Variants in DCC observed in about 807,000 individuals in gnomAD.
The protein encoded by DCC is DCC netrin 1 receptor, also known as netrin receptor DCC.
In DCC, 58 loss-of-function variants were observed where a neutral mutation model predicts 172.5. The observed-to-expected ratio is 0.34, with a 90% CI of 0.27 to 0.42. The LOEUF is 0.42. Ranked by LOEUF, DCC falls within the 10% of genes least tolerant of loss-of-function variation. DCC has a pLI of 1.00. For synonymous variants in DCC, 709 were observed against 644.5 expected (o/e 1.10, Z -1.52); for missense variants, 1,740 against 1,791.0 (o/e 0.97, Z 0.51).
chr18:53,303,393 A>C (rs552169457), intron 12 of DCC, among the ~76,000 whole-genome samples: 1 of 152,110 alleles, frequency 6.6e-6, no homozygotes, highest in Non-Finnish European at 1.5e-5. Context: ...TGTTTCCTTC[A>C]TGTGCTGTTA....
chr18:52,723,801 C>T (rs1015218457), intron 1 of DCC, among the ~76,000 whole-genome samples: 1 of 152,098 alleles, frequency 6.6e-6, no homozygotes, highest in African/African-American at 2.4e-5. Flanking sequence ...TGCTGAAAAC[C>T]CAAATTACAC....
intron 5 of DCC, among the ~76,000 whole-genome samples, chr18:53,001,659 T>C (rs140053516): frequency 0.023 from 3,475 of 152,224 alleles, 53 homozygotes; most frequent in Middle Eastern, 0.051. Context: ...TTGAAATAAA[T>C]CATACACGTG....
chr18:52,536,637 A>G (rs576513318), intron 1 of DCC, among the ~76,000 whole-genome samples: 135 of 152,212 alleles, frequency 8.9e-4, no homozygotes, highest in Non-Finnish European at 9.1e-4. Flanking sequence ...AAAAGTTGCT[A>G]TGTTTGATTT....
intron 2 of DCC, among the ~76,000 whole-genome samples, chr18:52,880,193 G>A (rs373486312): frequency 1.4e-4 from 22 of 151,884 alleles, no homozygotes; most frequent in Non-Finnish European, 2.6e-4. Context: ...GTGCAGTGGT[G>A]CATTTCAGCT....
rs189694787 is a variant in DCC at position 52,652,583 on chromosome 18, C to T, written c.92-99471C>T. Among the ~76,000 whole-genome samples, 60 of 152,204 alleles carry T rather than the reference C, an allele frequency of 3.9e-4. No homozygotes were observed. In the East Asian group the frequency reaches 4.1e-3, roughly 10 times the overall value. ...TCCGTGGCTCTGCCTGGATTTCACA[C>T]GGGCCCATTGGAATGTTCAGTCTCA... On this transcript the variant is annotated intron_variant, in intron 1 of 28. Transcript: ENST00000442544.
At chr18:53,458,944 T>C (rs950100071) in intron 23 of DCC, among the ~76,000 whole-genome samples, 3 of 152,108 alleles carry the variant, frequency 2.0e-5, no homozygotes, top group Non-Finnish European at 4.4e-5. Flanking sequence ...ATCTAACCCA[T>C]TTTCACCTTG....
intron 12 of DCC, among the ~76,000 whole-genome samples, chr18:53,246,466 T>C (rs2056366091): frequency 6.6e-6 from 1 of 151,916 alleles, no homozygotes; most frequent in African/African-American, 2.4e-5. Flanking sequence ...AATGCAATGA[T>C]AAATATCTCA....
chr18:52,355,201 G>A (rs1384889518), intron 1 of DCC, among the ~76,000 whole-genome samples: 1 of 145,700 alleles, frequency 6.9e-6, no homozygotes, highest in Non-Finnish European at 1.5e-5. Context: ...ACAAGATGAT[G>A]GAGATTAAAA....
At chr18:52,887,637 CTG>C (rs764651181) in intron 2 of DCC, among the ~76,000 whole-genome samples, 2 of 152,072 alleles carry the variant, frequency 1.3e-5, no homozygotes, top group South Asian at 2.1e-4. Context: ...AATACAATCC[CTG>C]TGGATACCAG....
chr18:53,489,209 T>C (rs1390676644), intron 26 of DCC, among the ~76,000 whole-genome samples: 1 of 152,192 alleles, frequency 6.6e-6, no homozygotes, highest in Admixed American at 6.5e-5. Context: ...TGAAAAGGCA[T>C]TGGATGTTCT....
At chr18:52,977,520 A>C (rs998279730) in intron 5 of DCC, among the ~76,000 whole-genome samples, 5 of 152,140 alleles carry the variant, frequency 3.3e-5, no homozygotes, top group African/African-American at 7.2e-5. Context: ...TATGTTCTAG[A>C]ATAAGTTGGA....
rs748591505 is a variant in DCC at position 53,205,166 on chromosome 18, C to G, written c.1574-50C>G. ...TTTTGTTTGTTTTGAGAACAAAAAC[C>G]CACTTATCCTAATCACTTTTCTTTC... On this transcript the variant is annotated intron_variant, in intron 9 of 28. Coordinates refer to ENST00000442544, the MANE Select transcript of DCC (RefSeq NM_005215.4). 6.1e-6 allele frequency: 9 copies of G among 1,477,168 alleles called. No individual in the cohort carries two copies. In the African/African-American group the frequency reaches 1.1e-4, roughly 18 times the overall value. 91.5% of individuals were successfully genotyped at this position (1,477,168 alleles called of 1,614,324 possible).
intron 1 of DCC, among the ~76,000 whole-genome samples, chr18:52,688,893 C>G (rs1218546566): frequency 1.3e-5 from 2 of 152,000 alleles, no homozygotes; most frequent in Admixed American, 6.6e-5. Context: ...CCACACTAAG[C>G]AACAGTAACT....
At chr18:53,515,303 A>T (rs1407777807) in intron 27 of DCC, among the ~76,000 whole-genome samples, 2 of 151,264 alleles carry the variant, frequency 1.3e-5, no homozygotes, top group African/African-American at 4.8e-5. Flanking sequence ...GTATTTCCAA[A>T]TAATAAGAGC....
intron 1 of DCC, among the ~76,000 whole-genome samples, chr18:52,493,087 A>C (rs2030585037): frequency 6.6e-6 from 1 of 152,090 alleles, no homozygotes; most frequent in Non-Finnish European, 1.5e-5. Flanking sequence ...GATAAACCAA[A>C]CCATAGGGAA....
At chr18:53,238,101 T>C (rs897389494) in intron 12 of DCC, among the ~76,000 whole-genome samples, 2 of 152,232 alleles carry the variant, frequency 1.3e-5, no homozygotes, top group Admixed American at 6.5e-5. Flanking sequence ...TTGTTTCTTA[T>C]ATTCCTTGAA....
chr18:53,220,646 A>G (rs73957107), intron 12 of DCC, among the ~76,000 whole-genome samples: 3,091 of 152,304 alleles, frequency 0.02, 116 homozygotes, highest in African/African-American at 0.071. Flanking sequence ...AAATACAACA[A>G]TGTTGACTCT....
intron 7 of DCC, among the ~76,000 whole-genome samples, chr18:53,094,132 C>A (rs1393182135): frequency 6.6e-6 from 1 of 152,124 alleles, no homozygotes; most frequent in African/African-American, 2.4e-5. Context: ...TATTTACAGA[C>A]TTTTCCCAAG....
chr18:53,427,093 T>C (rs974826320), intron 21 of DCC, among the ~76,000 whole-genome samples: 24 of 152,170 alleles, frequency 1.6e-4, no homozygotes, highest in African/African-American at 5.8e-4. Flanking sequence ...TTCCGTGGCC[T>C]TTGAGAACAG....
Sources: allele counts gnomAD v4.1 joint callset (sites outside exome capture counted in the v4.1 genomes callset), GRCh38; gene constraint gnomAD v4.1.1; transcripts MANE v1.5; gene names NCBI Gene and HGNC (gene_info 2026-07-23, HGNC 2026-07-21).